Variants in HGS observed in about 807,000 individuals in gnomAD.
HGS encodes the protein human growth factor-regulated tyrosine kinase substrate.
A neutral mutation model predicts 109.7 loss-of-function variants in HGS; 63 were observed. The ratio of observed to expected loss-of-function variants is 0.57; its 90% confidence interval spans 0.47 to 0.71. The LOEUF (loss-of-function observed/expected upper bound fraction) is 0.71. Ranked by LOEUF, HGS falls within the 30% of genes least tolerant of loss-of-function variation. The pLI is 0.00. For missense variants in HGS, 995 were observed against 1,068.3 expected (o/e 0.93, Z 0.96); for synonymous variants, 546 against 437.3 (o/e 1.25, Z -3.10).
chr17:81,696,058 C>T (rs1488806441), intron 15 of HGS, 59 bp downstream of exon 15: 2 of 1,432,544 alleles, frequency 1.4e-6, no homozygotes, highest in Non-Finnish European at 1.9e-6. Flanking sequence ...TGAGCGCCAT[C>T]CTGGGCCAGG....
chr17:81,687,809 G>A (rs2037003052), intron 4 of HGS, among the ~76,000 whole-genome samples: 1 of 152,220 alleles, frequency 6.6e-6, no homozygotes, highest in African/African-American at 2.4e-5. Context: ...TCTCATAGGA[G>A]ACTCCCTGGA....
chr17:81,688,754 C>G lies in HGS; in HGVS notation c.342C>G (p.Ala114=). ...VRNKILYLIQ[A]WAHAFRNEPK... ...ACAAGATCCTGTACCTGATCCAGGC[C>G]TGGGCGCATGCCTTCCGGAACGAGC... Residue 114 remains alanine (A), a synonymous_variant, in exon 5 of 22, where the codon GCC becomes GCG. Transcript: ENST00000329138. 1 of 1,614,156 alleles carries G rather than the reference C, an allele frequency of 6.2e-7. No individual in the cohort carries two copies. Among genetic ancestry groups the G allele is most frequent in the South Asian group, 1.1e-5 (1 of 91,070 alleles).
At position 81,693,389 on chromosome 17, in the gene HGS, T is replaced by C. The variant is rs2037093739; in HGVS notation, c.663-114T>C. 4 of 769,732 alleles carry C rather than the reference T, an allele frequency of 5.2e-6. No individual in the cohort carries two copies. The South Asian group carries it at 6.2e-5, about 12-fold the overall frequency. 47.7% of individuals were successfully genotyped at this position (769,732 alleles called of 1,614,324 possible). On this transcript the variant is annotated intron_variant, in intron 8 of 21. Transcript: ENST00000329138. ...CGGACACCTGTGGCTGTGGAACCAC[T>C]GTCCTCACTCTGTGGGGACACTTAG...
Position 81,694,695 on chromosome 17 carries a change from G to A in HGS, c.937-120G>A, listed in dbSNP as rs201821555. 65 of 1,197,960 alleles carry A rather than the reference G, an allele frequency of 5.4e-5. No homozygotes were observed. In the East Asian group the frequency reaches 7.6e-4, roughly 14 times the overall value. The allele number at this position is 1,197,960 out of a possible 1,614,324, so 74.2% of individuals were successfully genotyped here. A position where few individuals can be genotyped will look rare whatever the true frequency, so the allele number is the denominator to read the frequency against. On this transcript the variant is annotated intron_variant, in intron 11 of 21. Transcript: ENST00000329138. ...GATGCCAGGAACCAGAGGAGGGCAC[G>A]GAGGGAGGGCCCAGGCTGCGGCTCT...
chr17:81,697,926 C>T (rs2037180187), intron 18 of HGS: 1 of 152,154 alleles, frequency 6.6e-6, no homozygotes, highest in Non-Finnish European at 1.5e-5. Flanking sequence ...GCAGCCTCGA[C>T]CTCCTGGGCT....
At chr17:81,694,775 C>G (rs2037117461) in intron 11 of HGS, 40 bp from the exon 12 acceptor site, 1 of 1,613,732 alleles carries the variant, frequency 6.2e-7, no homozygotes, top group African/African-American at 1.3e-5. Context: ...AAGCAACTGG[C>G]TCTGTCACCT....
intron 1 of HGS, 118 bp downstream of exon 1, chr17:81,684,221 C>T: frequency 1.0e-6 from 1 of 957,396 alleles, no homozygotes; most frequent in Non-Finnish European, 1.4e-6. Flanking sequence ...CCCGCCTCTC[C>T]CCGGCCCGCT....
At chr17:81,687,807 G>A (rs1019214229) in intron 4 of HGS, among the ~76,000 whole-genome samples, 4 of 152,204 alleles carry the variant, frequency 2.6e-5, no homozygotes, top group African/African-American at 9.7e-5. Context: ...GGTCTCATAG[G>A]AGACTCCCTG....
At chr17:81,684,290 T>G (rs1367260006) in intron 1 of HGS, 187 bp downstream of exon 1, 2 of 449,688 alleles carry the variant, frequency 4.4e-6, no homozygotes, top group African/African-American at 4.1e-5. Context: ...GGGGTCGGCG[T>G]CCGTCGGGCG....
Position 81,691,582 on chromosome 17 carries a change from G to C in HGS, c.662+11G>C, listed in dbSNP as rs568287605. ...CGAGCAGCTGAACAGGTGAGTCCCCGCCCCCCATTTGGGCTGCAGGTGGGG... is the reference window on the plus strand; with the variant it reads ...CGAGCAGCTGAACAGGTGAGTCCCCCCCCCCCATTTGGGCTGCAGGTGGGG... On this transcript the variant is annotated intron_variant, in intron 8 of 21. Transcript: ENST00000329138. This position sits in a 1 kb window ranked among gnomAD's most constrained non-coding sequence, Gnocchi z 5.3. 6.2e-7 allele frequency: 1 copy of C among 1,613,568 alleles called. No homozygotes were observed. The highest frequency in any genetic ancestry group is 2.2e-5 in the East Asian group (1 of 44,848).
chr17:81,684,327 C>T (rs939506764), intron 1 of HGS: 4 of 372,656 alleles, frequency 1.1e-5, no homozygotes, highest in Non-Finnish European at 1.4e-5. Flanking sequence ...TGCGAGGGTC[C>T]GCGCAGGGCG....
intron 3 of HGS, among the ~76,000 whole-genome samples, 170 bp downstream of exon 3, chr17:81,686,557 G>A (rs2036982672): frequency 6.6e-6 from 1 of 152,164 alleles, no homozygotes; most frequent in African/African-American, 2.4e-5. Context: ...ACCTAGGAGA[G>A]GGTCACGCTG....
In HGS at chr17:81,686,345, A is replaced by G. The variant is rs201646494; in HGVS notation, c.156A>G (p.Lys52=). 9 of 1,613,752 alleles carry G rather than the reference A, an allele frequency of 5.6e-6. No homozygotes were observed. The East Asian group carries it at 1.8e-4, about 32-fold the overall frequency. ...ATGCTGTGAATTCCATCAAGAAGAA[A>G]GTCAACGACAAGAACCCACACGTCG... ...AKYAVNSIKK[K]VNDKNPHVAL... Residue 52 remains lysine (K), a synonymous_variant, in exon 3 of 22, where the codon AAA becomes AAG. Transcript: ENST00000329138.
In HGS at chr17:81,696,733, C is replaced by G. The variant is rs2037155990; in HGVS notation, c.1693C>G (p.Leu565Val). 1 of 1,607,258 alleles carries G rather than the reference C, an allele frequency of 6.2e-7. No homozygotes were observed. Residue 565 changes from leucine to valine, a missense_variant, in exon 17 of 22, where the codon CTG becomes GTG. This residue lies in a region of HGS where 326 missense variants were observed against 309.7 expected (regional missense o/e 1.05). Coordinates refer to ENST00000329138, the MANE Select transcript of HGS (RefSeq NM_004712.5). ...GCGCGCGCAGATGCCCGCCTTCCCCCTGCCCTACGCCCAGGCATGTGCCAT... is the reference window on the plus strand; with the variant it reads ...GCGCGCGCAGATGCCCGCCTTCCCCGTGCCCTACGCCCAGGCATGTGCCAT... Reference protein sequence around the residue: ...QMRAQMPAFPLPYAQLQAMPA... With the variant: ...QMRAQMPAFPVPYAQLQAMPA...
intron 18 of HGS, 91 bp downstream of exon 18, chr17:81,697,089 G>A (rs2037163328): frequency 7.3e-7 from 1 of 1,361,028 alleles, no homozygotes; most frequent in Non-Finnish European, 9.9e-7. Flanking sequence ...TGGTGCGAAG[G>A]GTTTTCCCAG....
Position 81,684,038 on chromosome 17 carries a change from G to C in HGS, c.-29G>C. 6.3e-7 allele frequency: 1 copy of C among 1,583,940 alleles called. No homozygotes were observed. Among genetic ancestry groups the C allele is most frequent in the Non-Finnish European group, 8.6e-7 (1 of 1,168,528 alleles). ...GCCAGCTCGTAGCAGGGGAGCGCCCGCGGCGTCGGGTTTGGGCTGGAGGTC... is the reference window on the plus strand; with the variant it reads ...GCCAGCTCGTAGCAGGGGAGCGCCCCCGGCGTCGGGTTTGGGCTGGAGGTC... On this transcript the variant is annotated 5_prime_UTR_variant, in exon 1 of 22. Coordinates refer to ENST00000329138, the MANE Select transcript of HGS (RefSeq NM_004712.5).
intron 5 of HGS, 109 bp from the exon 6 acceptor site, chr17:81,690,073 T>G: frequency 8.3e-7 from 1 of 1,200,224 alleles, no homozygotes; most frequent in Non-Finnish European, 1.2e-6. Flanking sequence ...CACCTTCACT[T>G]GGGTGCACGG....
intron 1 of HGS, 163 bp downstream of exon 1, chr17:81,684,266 C>T (rs776704027): frequency 2.9e-5 from 16 of 558,466 alleles, no homozygotes; most frequent in Non-Finnish European, 3.8e-5. Context: ...ATCCTGGACC[C>T]TCGGCGCGGC....
In HGS at chr17:81,686,236, T is replaced by C. The variant is rs60761605; in HGVS notation, c.123-76T>C. On this transcript the variant is annotated intron_variant, in intron 2 of 21. Coordinates refer to ENST00000329138, the MANE Select transcript of HGS (RefSeq NM_004712.5). ...GTGAGCCACTGCACCTGGCAGCAGA[T>C]GAGCTTTTCTCATCTTAGTTGCTGA... 2,467 of 1,247,530 alleles carry C rather than the reference T, an allele frequency of 2.0e-3. 51 individuals carry two copies. The African/African-American group carries it at 0.033, about 17-fold the overall frequency. The allele number at this position is 1,247,530 out of a possible 1,614,324, so 77.3% of individuals were successfully genotyped here.
Sources: gnomAD v4.1 joint callset for allele counts (sites outside exome capture counted in the v4.1 genomes callset) on GRCh38, gnomAD v4.1.1 for gene constraint, gnomAD v4.1.1 regional missense constraint, Gnocchi (gnomAD v3.1) non-coding constraint, MANE v1.5 for transcripts, NCBI Gene and HGNC (gene_info 2026-07-23, HGNC 2026-07-21) for gene names.